Variants in SPCS3 observed in about 807,000 individuals in gnomAD.
SPCS3 encodes the protein signal peptidase complex subunit 3.
In SPCS3, 9 loss-of-function variants were observed where a neutral mutation model predicts 17.2. That is an observed-to-expected ratio of 0.52 (90% CI 0.31 to 0.91). SPCS3 has a LOEUF of 0.91. Ranked by LOEUF, SPCS3 falls within the 40% of genes least tolerant of loss-of-function variation. The pLI, the probability that SPCS3 is intolerant of heterozygous loss-of-function variation, is 0.04. For missense variants in SPCS3, 139 were observed against 217.5 expected (o/e 0.64, Z 2.27); for synonymous variants, 87 against 89.6 (o/e 0.97, Z 0.16).
At chr4:176,325,849 T>G (rs548294606) in intron 3 of SPCS3, among the ~76,000 whole-genome samples, 116 of 152,190 alleles carry the variant, frequency 7.6e-4, no homozygotes, top group African/African-American at 2.5e-3. Flanking sequence ...GTTCAAGTGA[T>G]TCCCCTGCCT....
At chr4:176,321,187 T>C (rs1392870156) in intron 1 of SPCS3, 1 of 151,580 alleles carries the variant, frequency 6.6e-6, no homozygotes, top group Non-Finnish European at 1.5e-5. Flanking sequence ...TTTAAATTAC[T>C]GTACTGATGT....
intron 2 of SPCS3, 42 bp from the exon 3 acceptor site, chr4:176,324,139 G>T: frequency 1.0e-6 from 1 of 960,224 alleles, no homozygotes; most frequent in South Asian, 1.8e-5. Context: ...ATTTAAAAGT[G>T]ATATACTGCT....
rs1731665011 is a variant in SPCS3, at chr4:176,330,162, A to C, written c.*1832A>C. ...TTGAACAAAAAAGCACGTTAGTAAT[A>C]TGAAGACAGGAAAACGAATGAAAGT... On this transcript the variant is annotated 3_prime_UTR_variant, in exon 5 of 5. Coordinates refer to ENST00000503362, the MANE Select transcript of SPCS3 (RefSeq NM_021928.4). The C allele has an allele frequency of 6.6e-6, 1 of 152,240 alleles. No homozygotes were observed. The highest frequency in any genetic ancestry group is 1.5e-5 in the Non-Finnish European group (1 of 68,024). The allele number at this position is 152,240 out of a possible 1,614,324, so 9.4% of individuals were successfully genotyped here.
chr4:176,322,293 G>A, intron 2 of SPCS3, 50 bp downstream of exon 2: 1 of 1,238,392 alleles, frequency 8.1e-7, no homozygotes, highest in Non-Finnish European at 1.2e-6. Context: ...TTTATAATGA[G>A]ATATGTGTTG....
Position 176,328,731 on chromosome 4 carries a change from A to C in SPCS3, c.*401A>C, listed in dbSNP as rs1435340377. The C allele has an allele frequency of 1.3e-5, 2 of 152,360 alleles. No homozygotes were observed. Among genetic ancestry groups the C allele is most frequent in the African/African-American group, 2.4e-5 (1 of 41,478 alleles). The allele number at this position is 152,360 out of a possible 1,614,324, so 9.4% of individuals were successfully genotyped here. A position where few individuals can be genotyped will look rare whatever the true frequency, so the allele number is the denominator to read the frequency against. On this transcript the variant is annotated 3_prime_UTR_variant, in exon 5 of 5. Coordinates refer to ENST00000503362, the MANE Select transcript of SPCS3 (RefSeq NM_021928.4). ...GTATTTTATGCCTTGCATTCACGCA[A>C]ATTCACATTGGATGTGATTTAAAAG...
rs1731650038 is a variant in SPCS3 at position 176,329,209 on chromosome 4, G to C, written c.*879G>C. The C allele has an allele frequency of 6.6e-6, 1 of 152,020 alleles. No individual in the cohort carries two copies. The highest frequency in any genetic ancestry group is 2.4e-5 in the African/African-American group (1 of 41,410). 9.4% of individuals were successfully genotyped at this position (152,020 alleles called of 1,614,324 possible). On this transcript the variant is annotated 3_prime_UTR_variant, in exon 5 of 5. Transcript: ENST00000503362. ...AATTATTGGGATAATAATAATTGTG[G>C]TATGCTTTCCATTTACAAACCACTC...
chr4:176,320,084 C>T lies in SPCS3; in HGVS notation c.8C>T (p.Thr3Met). Residue 3 changes from threonine (T) to methionine (M), a missense_variant, in exon 1 of 5, where the codon ACG (threonine) becomes ATG (methionine). Thr to Met is a moderately conservative substitution (Grantham distance 81). Coordinates refer to ENST00000503362, the MANE Select transcript of SPCS3 (RefSeq NM_021928.4). MN[T>M]VLSRANSLFA... Reference sequence around the variant, plus strand: ...TCGTGGGAGACGATCGCGATGAACACGGTGCTGTCGCGGGCGAACTCACTG... The same window carrying T: ...TCGTGGGAGACGATCGCGATGAACATGGTGCTGTCGCGGGCGAACTCACTG... 6.4e-7 allele frequency: 1 copy of T among 1,560,142 alleles called. No individual in the cohort carries two copies. The highest frequency in any genetic ancestry group is 8.7e-7 in the Non-Finnish European group (1 of 1,153,430).
At chr4:176,322,060 G>A in intron 1 of SPCS3, 110 bp from the exon 2 acceptor site, 1 of 567,930 alleles carries the variant, frequency 1.8e-6, no homozygotes. Context: ...GTTTCTTTGT[G>A]GAATTGCAGT....
At position 176,330,100 on chromosome 4, in the gene SPCS3, A is replaced by G. The variant is rs987327971; in HGVS notation, c.*1770A>G. ...ACTTTAATGGCCATCCTTTTACACC[A>G]CACAAGTTGATAAAATTTATCTGTT... On this transcript the variant is annotated 3_prime_UTR_variant, in exon 5 of 5. Coordinates refer to ENST00000503362, the MANE Select transcript of SPCS3 (RefSeq NM_021928.4). 6.6e-6 allele frequency: 1 copy of G among 152,216 alleles called. No individual in the cohort carries two copies. Among genetic ancestry groups the G allele is most frequent in the Non-Finnish European group, 1.5e-5 (1 of 68,022 alleles). The allele number at this position is 152,216 out of a possible 1,614,324, so 9.4% of individuals were successfully genotyped here. A position where few individuals can be genotyped will look rare whatever the true frequency, so the allele number is the denominator to read the frequency against.
Position 176,320,165 on chromosome 4 carries a change from C to T in SPCS3, c.89C>T (p.Thr30Ile). 6.3e-7 allele frequency: 1 copy of T among 1,583,822 alleles called. No individual in the cohort carries two copies. Among genetic ancestry groups the T allele is most frequent in the Non-Finnish European group, 8.6e-7 (1 of 1,166,060 alleles). ...AALTFGCFIT[T>I]AFKDRSVPVR... is the part of the protein sequence containing the mutation. The stretch of plus-strand genomic sequence containing the variant: ...CTCACCTTCGGCTGCTTCATCACCA[C>T]CGCCTTCAAAGACAGGAGCGTCCCG... The change falls in exon 1 of 5, where the codon ACC (threonine) becomes ATC (isoleucine). Residue 30 changes from threonine (T) to isoleucine (I), a missense_variant. Coordinates refer to ENST00000503362, the MANE Select transcript of SPCS3 (RefSeq NM_021928.4).
At chr4:176,325,732 G>A (rs1178287271) in intron 3 of SPCS3, among the ~76,000 whole-genome samples, 1 of 151,810 alleles carries the variant, frequency 6.6e-6, no homozygotes, top group Non-Finnish European at 1.5e-5. Flanking sequence ...GTTTTTTGTT[G>A]TTGTTGTTGT....
At position 176,328,436 on chromosome 4, in the gene SPCS3, GTTTTT is replaced by G; in HGVS notation, c.*121_*125del. 7.3e-4 allele frequency: 348 copies of G among 473,920 alleles called. No individual in the cohort carries two copies. Among genetic ancestry groups the G allele is most frequent in the Middle Eastern group, 2.1e-3 (3 of 1,462 alleles). 29.4% of individuals were successfully genotyped at this position (473,920 alleles called of 1,614,324 possible). ...TTGTTGGTTTGTTTTTTGGTTTTGG[GTTTTT>G]TTTTTTTTTTTTTTGGTATAAGAAC... is the stretch of plus-strand genomic sequence containing the variant. On this transcript the variant is annotated 3_prime_UTR_variant, in exon 5 of 5. Coordinates refer to ENST00000503362, the MANE Select transcript of SPCS3 (RefSeq NM_021928.4).
At position 176,323,324 on chromosome 4, in the gene SPCS3, A is replaced by G. The variant is rs549760998; in HGVS notation, c.218-857A>G. On this transcript the variant is annotated intron_variant, in intron 2 of 4. Transcript: ENST00000503362. ...AAATTTCCTGGTATCTATGGTATTT[A>G]TATATTACCAATCTCATTATTTGTA... Among the ~76,000 whole-genome samples, 4 of 152,212 alleles carry G rather than the reference A, an allele frequency of 2.6e-5. No individual in the cohort carries two copies. The East Asian group carries it at 7.7e-4, about 29-fold the overall frequency.
chr4:176,331,680 C>A lies in SPCS3; in HGVS notation c.*3350C>A, dbSNP rs999438123. The A allele has an allele frequency of 6.6e-6, 1 of 152,218 alleles. No individual in the cohort carries two copies. Among genetic ancestry groups the A allele is most frequent in the Non-Finnish European group, 1.5e-5 (1 of 68,098 alleles). 9.4% of individuals were successfully genotyped at this position (152,218 alleles called of 1,614,324 possible). A position where few individuals can be genotyped will look rare whatever the true frequency, so the allele number is the denominator to read the frequency against. On this transcript the variant is annotated 3_prime_UTR_variant, in exon 5 of 5. Transcript: ENST00000503362. Reference sequence around the variant, plus strand: ...CTTGGCTTACTGCAACCTCCACCCCCCAGGTTCAAGCGATTCTCCTGCCTC... The same window carrying A: ...CTTGGCTTACTGCAACCTCCACCCCACAGGTTCAAGCGATTCTCCTGCCTC...
At chr4:176,326,302 A>C (rs78736064) in intron 3 of SPCS3, among the ~76,000 whole-genome samples, 3 of 147,154 alleles carry the variant, frequency 2.0e-5, no homozygotes, top group Non-Finnish European at 4.5e-5. Context: ...CTCTATCTCC[A>C]AAAAAAAAAG....
Position 176,330,601 on chromosome 4 carries a change from G to A in SPCS3, c.*2271G>A, listed in dbSNP as rs889762941. The A allele has an allele frequency of 2.0e-5, 3 of 152,066 alleles. No individual in the cohort carries two copies. Among genetic ancestry groups the A allele is most frequent in the Non-Finnish European group, 2.9e-5 (2 of 68,026 alleles). 9.4% of individuals were successfully genotyped at this position (152,066 alleles called of 1,614,324 possible). On this transcript the variant is annotated 3_prime_UTR_variant, in exon 5 of 5. Coordinates refer to ENST00000503362, the MANE Select transcript of SPCS3 (RefSeq NM_021928.4). Reference sequence around the variant, plus strand: ...AAAGAATGCTCCAACATGGGAATAAGGACCTTCAGTCTCAGGAACTCATTT... The same window carrying A: ...AAAGAATGCTCCAACATGGGAATAAAGACCTTCAGTCTCAGGAACTCATTT...
At position 176,332,079 on chromosome 4, in the gene SPCS3, G is replaced by A. The variant is rs1371214801; in HGVS notation, c.*3749G>A. The A allele has an allele frequency of 6.6e-6, 1 of 152,240 alleles. No individual in the cohort carries two copies. Among genetic ancestry groups the A allele is most frequent in the African/African-American group, 2.4e-5 (1 of 41,448 alleles). 9.4% of individuals were successfully genotyped at this position (152,240 alleles called of 1,614,324 possible). On this transcript the variant is annotated 3_prime_UTR_variant, in exon 5 of 5. Coordinates refer to ENST00000503362, the MANE Select transcript of SPCS3 (RefSeq NM_021928.4). ...CTTTTTTTTTGTGGGGGTGGGATGG[G>A]GGAGGTTAGTTACACTTAAAATATC... is the stretch of plus-strand genomic sequence containing the variant.
rs1560839416 is a variant in SPCS3, at chr4:176,330,102, A to T, written c.*1772A>T. On this transcript the variant is annotated 3_prime_UTR_variant, in exon 5 of 5. Coordinates refer to ENST00000503362, the MANE Select transcript of SPCS3 (RefSeq NM_021928.4). ...TTTAATGGCCATCCTTTTACACCAC[A>T]CAAGTTGATAAAATTTATCTGTTCA... The T allele has an allele frequency of 6.6e-6, 1 of 152,210 alleles. No individual in the cohort carries two copies. Among genetic ancestry groups the T allele is most frequent in the Admixed American group, 6.5e-5 (1 of 15,278 alleles). 9.4% of individuals were successfully genotyped at this position (152,210 alleles called of 1,614,324 possible). A position where few individuals can be genotyped will look rare whatever the true frequency, so the allele number is the denominator to read the frequency against.
At position 176,320,032 on chromosome 4, in the gene SPCS3, G is replaced by C; in HGVS notation, c.-45G>C. ...GAGCCGGTCCGCCGCCGGAACGGGA[G>C]CCTGGGTGTGCGTGTGGAGTCCGGA... On this transcript the variant is annotated 5_prime_UTR_variant, in exon 1 of 5. Coordinates refer to ENST00000503362, the MANE Select transcript of SPCS3 (RefSeq NM_021928.4). The C allele has an allele frequency of 1.4e-6, 2 of 1,472,702 alleles. No individual in the cohort carries two copies. Among genetic ancestry groups the C allele is most frequent in the Non-Finnish European group, 1.8e-6 (2 of 1,097,744 alleles). 91.2% of individuals were successfully genotyped at this position (1,472,702 alleles called of 1,614,324 possible).
Sources: gnomAD v4.1 joint callset for allele counts (sites outside exome capture counted in the v4.1 genomes callset) on GRCh38, gnomAD v4.1.1 for gene constraint, MANE v1.5 for transcripts, NCBI Gene and HGNC (gene_info 2026-07-23, HGNC 2026-07-21) for gene names.